ATP11A: variants seen among roughly 807,000 people sequenced by gnomAD.
The protein encoded by ATP11A is phospholipid-transporting ATPase IH.
ATP11A carries 81 observed loss-of-function variants against 154.4 expected under a neutral mutation model. The ratio of observed to expected loss-of-function variants is 0.52; its 90% CI spans 0.44 to 0.63. ATP11A has a LOEUF of 0.63. Among genes scored for constraint, ATP11A ranks in the 30% least tolerant of loss-of-function variants. The pLI, the probability that ATP11A is intolerant of heterozygous loss-of-function variation, is 0.00. For missense variants in ATP11A, 1,316 were observed against 1,474.3 expected, an observed-to-expected ratio of 0.89 and a Z score of 1.76; for synonymous variants, 623 against 585.9, an observed-to-expected ratio of 1.06 and a Z score of -0.91.
intron 17 of ATP11A, among the ~76,000 whole-genome samples, chr13:112,844,208 C>T (rs1038298520): frequency 5.9e-5 from 9 of 152,210 alleles, no homozygotes; most frequent in Non-Finnish European, 1.3e-4. Context: ...GGAGGGTCTT[C>T]ATGGCCTGAG....
chr13:112,824,995 C>T (rs1043922240), intron 10 of ATP11A, among the ~76,000 whole-genome samples: 3 of 152,196 alleles, frequency 2.0e-5, no homozygotes, highest in African/African-American at 7.2e-5. Flanking sequence ...TTACTTTTCT[C>T]CCCCTCCTTT....
At chr13:112,724,314 A>C (rs1278793072) in intron 1 of ATP11A, among the ~76,000 whole-genome samples, 2 of 151,514 alleles carry the variant, frequency 1.3e-5, no homozygotes, top group African/African-American at 2.4e-5. Flanking sequence ...GGGACCACCT[A>C]CACTTCTGAG....
intron 1 of ATP11A, among the ~76,000 whole-genome samples, chr13:112,718,536 G>A (rs1420297176): frequency 6.6e-6 from 1 of 152,186 alleles, no homozygotes; most frequent in Non-Finnish European, 1.5e-5. Flanking sequence ...TGTGCGGTGG[G>A]GATGGGAACC....
intron 26 of ATP11A, 49 bp downstream of exon 26, chr13:112,871,849 G>A (rs2080532136): frequency 6.5e-7 from 1 of 1,541,710 alleles, no homozygotes; most frequent in Non-Finnish European, 9.0e-7. Flanking sequence ...GTGAACCCCT[G>A]CAGTGTAGGC....
At chr13:112,825,215 G>A (rs748026557) in intron 10 of ATP11A, among the ~76,000 whole-genome samples, 7 of 152,272 alleles carry the variant, frequency 4.6e-5, no homozygotes, top group East Asian at 3.9e-4. Flanking sequence ...ACTTTACCCC[G>A]TCTTGGTTCT....
chr13:112,872,096 T>G (rs1022162361), intron 26 of ATP11A, among the ~76,000 whole-genome samples: 2 of 152,248 alleles, frequency 1.3e-5, no homozygotes, highest in South Asian at 4.1e-4. Flanking sequence ...AGAATTGTTT[T>G]CAGTGGCAAG....
intron 5 of ATP11A, 131 bp downstream of exon 5, chr13:112,810,857 C>G: frequency 1.3e-6 from 1 of 778,006 alleles, no homozygotes; most frequent in East Asian, 2.7e-5. Context: ...GATCGCTGAG[C>G]CTGGAAGTCG....
At chr13:112,802,007 T>C (rs1446096584) in intron 2 of ATP11A, among the ~76,000 whole-genome samples, 7 of 152,202 alleles carry the variant, frequency 4.6e-5, no homozygotes, top group Admixed American at 3.3e-4. Context: ...TAGGACTTAC[T>C]GTAAAACTAC....
rs183464284 is a variant in ATP11A at position 112,834,563 on chromosome 13, C to T, written c.1560-26C>T. On this transcript the variant is annotated intron_variant, in intron 14 of 29. Coordinates refer to ENST00000375645, the MANE Select transcript of ATP11A (RefSeq NM_015205.3). The stretch of plus-strand genomic sequence containing the variant: ...GAGGAACATCAGAATCTCAGATTCA[C>T]CCCGAGGTTTCCCTTCTCATTGCAG... 1.4e-5 allele frequency: 21 copies of T among 1,516,334 alleles called. No homozygotes were observed. The East Asian group carries it at 4.3e-4, about 31-fold the overall frequency. The allele number at this position is 1,516,334 out of a possible 1,614,324, so 93.9% of individuals were successfully genotyped here. A position where few individuals can be genotyped will look rare whatever the true frequency, so the allele number is the denominator to read the frequency against.
intron 1 of ATP11A, among the ~76,000 whole-genome samples, chr13:112,774,953 C>G (rs2077310924): frequency 1.3e-5 from 2 of 152,226 alleles, no homozygotes; most frequent in African/African-American, 4.8e-5. Context: ...CGCAGAGTTG[C>G]AAGACCCTGG....
chr13:112,800,121 T>G (rs9577841), intron 2 of ATP11A, among the ~76,000 whole-genome samples: 48,190 of 151,582 alleles, frequency 0.32, 8,770 homozygotes, highest in Middle Eastern at 0.46. Context: ...ATTAGGAAAC[T>G]TAACAAAAAA....
intron 8 of ATP11A, 74 bp downstream of exon 8, chr13:112,820,024 A>G (rs906922705): frequency 3.5e-6 from 5 of 1,424,950 alleles, no homozygotes; most frequent in Non-Finnish European, 4.7e-6. Context: ...TTGACGGACA[A>G]GGGTTTCCAC....
At chr13:112,857,246 GA>G (rs920614105) in intron 20 of ATP11A, among the ~76,000 whole-genome samples, 30 of 152,138 alleles carry the variant, frequency 2.0e-4, no homozygotes, top group Admixed American at 5.2e-4. Context: ...AGATGGGGGG[GA>G]AAAGATTATA....
intron 1 of ATP11A, among the ~76,000 whole-genome samples, chr13:112,765,821 G>A (rs7336248): frequency 0.083 from 12,605 of 152,318 alleles, 1,698 homozygotes; most frequent in African/African-American, 0.28. Flanking sequence ...GCAGAGCTTA[G>A]TAAACCAACA....
intron 6 of ATP11A, among the ~76,000 whole-genome samples, chr13:112,818,609 C>T (rs1382329289): frequency 1.3e-5 from 2 of 152,222 alleles, no homozygotes; most frequent in South Asian, 2.1e-4. Flanking sequence ...TCAGGTGGGC[C>T]TTCAGCCGAC....
intron 1 of ATP11A, among the ~76,000 whole-genome samples, chr13:112,712,833 T>C (rs380069): frequency 1 from 152,233 of 152,350 alleles, 76,058 homozygotes; most frequent in Middle Eastern, 1. Context: ...CGGGGTTCAG[T>C]GCAGGCCAGG....
intron 5 of ATP11A, chr13:112,811,652 C>T (rs187338311): frequency 1.3e-5 from 2 of 152,260 alleles, no homozygotes; most frequent in Non-Finnish European, 1.5e-5. Context: ...GTCACCCAGG[C>T]TGGAGTGCAA....
intron 1 of ATP11A, among the ~76,000 whole-genome samples, chr13:112,739,097 C>G (rs1021381311): frequency 6.6e-6 from 1 of 152,130 alleles, no homozygotes; most frequent in Admixed American, 6.5e-5. Flanking sequence ...AAAGCATAAG[C>G]AACCAAAGAA....
rs11353281 is a variant in ATP11A at position 112,737,051 on chromosome 13, GA to G, written c.39+46603del. Among the ~76,000 whole-genome samples, 1,429 of 152,044 alleles carry G rather than the reference GA, an allele frequency of 9.4e-3. 25 individuals carry two copies. Among genetic ancestry groups the G allele is most frequent in the African/African-American group, 0.032 (1,310 of 41,470 alleles). ...ACAACCCACATGTCTATCAACAGTA[GA>G]AAAAAACAAAAATAAATCGTGAAAT... On this transcript the variant is annotated intron_variant, in intron 1 of 29. Coordinates refer to ENST00000375645, the MANE Select transcript of ATP11A (RefSeq NM_015205.3).
Sources: gnomAD v4.1 joint callset for allele counts (sites outside exome capture counted in the v4.1 genomes callset) on GRCh38, gnomAD v4.1.1 for gene constraint, MANE v1.5 for transcripts, NCBI Gene and HGNC (gene_info 2026-07-23, HGNC 2026-07-21) for gene names.